PTPRD: variants seen among roughly 807,000 people sequenced by gnomAD.
PTPRD encodes receptor-type tyrosine-protein phosphatase delta.
Under a neutral mutation model 214.5 loss-of-function variants are expected in PTPRD, and 34 were observed. The ratio of observed to expected loss-of-function variants is 0.16; its 90% CI spans 0.12 to 0.21. PTPRD has a LOEUF of 0.21. Among genes scored for constraint, PTPRD ranks in the 10% least tolerant of loss-of-function variants. The pLI is 1.00. For missense variants in PTPRD, 2,545 were observed against 2,398.7 expected (o/e 1.06, Z -1.27); for synonymous variants, 1,128 against 845.7 (o/e 1.33, Z -5.79).
At chr9:10,140,441 C>A (rs2098975997) in intron 3 of PTPRD, among the ~76,000 whole-genome samples, 1 of 151,902 alleles carries the variant, frequency 6.6e-6, no homozygotes. Flanking sequence ...CACAGAAATA[C>A]AAACTACCAT....
chr9:9,368,010 G>T (rs1278951318), intron 9 of PTPRD, among the ~76,000 whole-genome samples: 2 of 151,706 alleles, frequency 1.3e-5, no homozygotes, highest in Non-Finnish European at 1.5e-5. Flanking sequence ...AGTCTGGCAT[G>T]ATTAAACTTC....
chr9:8,770,615 AAAG>A (rs1282917618), intron 11 of PTPRD, among the ~76,000 whole-genome samples: 2 of 152,216 alleles, frequency 1.3e-5, no homozygotes, highest in East Asian at 1.9e-4. Flanking sequence ...GACCAAACTC[AAAG>A]AAGATCCAAA....
intron 25 of PTPRD, among the ~76,000 whole-genome samples, chr9:8,497,897 C>G (rs577365225): frequency 6.6e-6 from 1 of 152,098 alleles, no homozygotes; most frequent in Non-Finnish European, 1.5e-5. Context: ...TATCTAAGAA[C>G]CAAAGGAGAA....
rs1555501206 is a variant in PTPRD at position 10,036,886 on chromosome 9, T to TTATTTATTTATTTATG, written c.-544-3097_-544-3096insCATAAATAAATAAATA. 1.4e-4 allele frequency among the ~76,000 whole-genome samples: 20 copies of TTATTTATTTATTTATG among 143,200 alleles called. 1 individual carries two copies. Among genetic ancestry groups the TTATTTATTTATTTATG allele is most frequent in the East Asian group, 4.0e-4 (2 of 4,980 alleles). The allele number at this position is 143,200 out of a possible 152,430, so 93.9% of individuals were successfully genotyped here. A position where few individuals can be genotyped will look rare whatever the true frequency, so the allele number is the denominator to read the frequency against. On this transcript the variant is annotated intron_variant, in intron 3 of 45. Coordinates refer to ENST00000381196, the MANE Select transcript of PTPRD (RefSeq NM_002839.4). The stretch of plus-strand genomic sequence containing the variant: ...CCTGAGCCAAATTTTTATTATTTAT[T>TTATTTATTTATTTATG]TATTTATTTATTTATTTAGATAGCA...
At chr9:8,577,594 T>C (rs2154246870) in intron 14 of PTPRD, among the ~76,000 whole-genome samples, 1 of 152,278 alleles carries the variant, frequency 6.6e-6, no homozygotes. Flanking sequence ...CACCAAGAGA[T>C]CCTTCAAGAC....
At chr9:9,572,569 ATATATATATATGTGTATATATATG>A (rs1367873661) in intron 8 of PTPRD, among the ~76,000 whole-genome samples, 2 of 145,228 alleles carry the variant, frequency 1.4e-5, no homozygotes, top group African/African-American at 2.5e-5. Flanking sequence ...ATGTATATAT[ATATATATATATGTGTATATATATG>A]TATATGTGTA....
chr9:10,528,790 C>G (rs956221297), intron 2 of PTPRD, among the ~76,000 whole-genome samples: 7 of 152,110 alleles, frequency 4.6e-5, no homozygotes, highest in African/African-American at 1.4e-4. Flanking sequence ...AACAATTACT[C>G]CTTTATCCAT....
chr9:9,338,509 T>C (rs1004733956), intron 9 of PTPRD, among the ~76,000 whole-genome samples: 7 of 152,128 alleles, frequency 4.6e-5, no homozygotes, highest in Admixed American at 4.6e-4. Flanking sequence ...GTTTTTATAT[T>C]TTATAAGATA....
At position 9,240,656 on chromosome 9, in the gene PTPRD, C is replaced by G. The variant is rs572489121; in HGVS notation, c.-202-57293G>C. ...TTTGATATATTAAAATATATGGAAG[C>G]ATTGTTGAACAGTAAGTGATGCTAA... On this transcript the variant is annotated intron_variant, in intron 9 of 45. Coordinates refer to ENST00000381196, the MANE Select transcript of PTPRD (RefSeq NM_002839.4). Among the ~76,000 whole-genome samples the G allele has an allele frequency of 4.6e-5, 7 of 152,184 alleles. No individual in the cohort carries two copies. In the East Asian group the frequency reaches 1.4e-3, roughly 29 times the overall value.
At position 8,681,893 on chromosome 9, in the gene PTPRD, G is replaced by A. The variant is rs376004563; in HGVS notation, c.65-45049C>T. Among the ~76,000 whole-genome samples the A allele has an allele frequency of 3.4e-4, 51 of 152,128 alleles. 1 individual carries two copies. The East Asian group carries it at 5.6e-3, about 17-fold the overall frequency. On this transcript the variant is annotated intron_variant, in intron 12 of 45. Coordinates refer to ENST00000381196, the MANE Select transcript of PTPRD (RefSeq NM_002839.4). ...CTACTGTTTTCATTATTACATTCTT[G>A]GAAACCAGTACATTACTTCAGCTCT...
chr9:9,793,182 T>C (rs2098979333), intron 5 of PTPRD, among the ~76,000 whole-genome samples: 1 of 152,138 alleles, frequency 6.6e-6, no homozygotes, highest in African/African-American at 2.4e-5. Context: ...TAGTCTCCTA[T>C]ATTCACAAAA....
chr9:9,122,302 C>T (rs922805000), intron 10 of PTPRD, among the ~76,000 whole-genome samples: 20 of 152,130 alleles, frequency 1.3e-4, no homozygotes, highest in African/African-American at 4.3e-4. Context: ...GGATCCTTTG[C>T]CTTTTAAAAC....
At chr9:8,488,417 T>G (rs1293756902) in intron 27 of PTPRD, among the ~76,000 whole-genome samples, 1 of 152,234 alleles carries the variant, frequency 6.6e-6, no homozygotes, top group Non-Finnish European at 1.5e-5. Flanking sequence ...ACAACATGTG[T>G]GCTGTGTTAT....
intron 22 of PTPRD, among the ~76,000 whole-genome samples, chr9:8,506,948 A>C (rs1442993505): frequency 1.3e-5 from 2 of 152,234 alleles, no homozygotes; most frequent in African/African-American, 4.8e-5. Flanking sequence ...AGTGACTTAA[A>C]TACTTTCATG....
At chr9:10,216,155 G>T (rs992852729) in intron 3 of PTPRD, among the ~76,000 whole-genome samples, 1 of 151,720 alleles carries the variant, frequency 6.6e-6, no homozygotes, top group Admixed American at 6.6e-5. Flanking sequence ...TTTCTAAGTT[G>T]ATTTGAATTA....
intron 11 of PTPRD, among the ~76,000 whole-genome samples, chr9:8,947,844 C>T (rs531685829): frequency 6.6e-6 from 1 of 152,026 alleles, no homozygotes; most frequent in Non-Finnish European, 1.5e-5. Context: ...ATTTATGAAA[C>T]AAAATGTGCC....
intron 9 of PTPRD, among the ~76,000 whole-genome samples, chr9:9,364,838 T>C (rs2057404295): frequency 6.6e-6 from 1 of 151,396 alleles, no homozygotes; most frequent in African/African-American, 2.4e-5. Context: ...GTTTGTGCTG[T>C]GAGCAGTGTT....
intron 9 of PTPRD, among the ~76,000 whole-genome samples, chr9:9,216,519 G>C (rs1007735866): frequency 2.0e-5 from 3 of 152,088 alleles, no homozygotes; most frequent in Non-Finnish European, 4.4e-5. Flanking sequence ...CAAAGACTAA[G>C]CCTGATTAAC....
intron 14 of PTPRD, among the ~76,000 whole-genome samples, chr9:8,566,908 G>T (rs2089464000): frequency 6.6e-6 from 1 of 151,772 alleles, no homozygotes; most frequent in Non-Finnish European, 1.5e-5. Flanking sequence ...AGTCCTGGTT[G>T]CTGCTCCAAG....
Sources: gnomAD v4.1 joint callset for allele counts (sites outside exome capture counted in the v4.1 genomes callset) on GRCh38, gnomAD v4.1.1 for gene constraint, MANE v1.5 for transcripts, NCBI Gene and HGNC (gene_info 2026-07-23, HGNC 2026-07-21) for gene names.